The following NCEH1 variants were observed in gnomAD, a reference collection of about 807,000 sequenced individuals.
NCEH1 encodes 2-acetyl MAGE hydrolase.
Under a neutral mutation model 25.4 loss-of-function variants are expected in NCEH1, and 9 were observed. The ratio of observed to expected loss-of-function variants is 0.35; its 90% CI spans 0.21 to 0.62. NCEH1 has a LOEUF of 0.62. NCEH1 is among the 20% of genes least tolerant of loss of function. The pLI is 0.72. For synonymous variants in NCEH1, 200 were observed against 199.8 expected, an observed-to-expected ratio of 1.00 and a Z score of -0.01; for missense variants, 412 against 501.1, an observed-to-expected ratio of 0.82 and a Z score of 1.70.
chr3:172,652,800 A>G (rs1717464973), intron 1 of NCEH1, among the ~76,000 whole-genome samples: 1 of 151,840 alleles, frequency 6.6e-6, no homozygotes, highest in South Asian at 2.1e-4. Flanking sequence ...GGTTGAAGCG[A>G]TTCTCCTGCC....
In NCEH1 at chr3:172,633,193, C is replaced by G; in HGVS notation, c.*282G>C. 1 of 354,834 alleles carries G rather than the reference C, an allele frequency of 2.8e-6. No individual in the cohort carries two copies. The highest frequency in any genetic ancestry group is 5.1e-6 in the Non-Finnish European group (1 of 194,926). The allele number at this position is 354,834 out of a possible 1,614,324, so 22.0% of individuals were successfully genotyped here. On this transcript the variant is annotated 3_prime_UTR_variant, in exon 5 of 5. Coordinates refer to ENST00000475381, the MANE Select transcript of NCEH1 (RefSeq NM_020792.6). ...CCAAAGTTATTTCCAGTTCCTAGTC[C>G]TGCTTTCTGTAGCTGTAGGTATCAG...
At chr3:172,656,664 G>A (rs981250808) in intron 1 of NCEH1, among the ~76,000 whole-genome samples, 3 of 152,140 alleles carry the variant, frequency 2.0e-5, no homozygotes, top group Non-Finnish European at 4.4e-5. Flanking sequence ...TACTCGGGAG[G>A]CTGACGCAGG....
intron 1 of NCEH1, among the ~76,000 whole-genome samples, chr3:172,671,514 C>CAA (rs1343250782): frequency 8.8e-4 from 128 of 146,052 alleles, no homozygotes; most frequent in African/African-American, 2.7e-3. Context: ...CATACACACA[C>CAA]ACACACACAC....
intron 3 of NCEH1, among the ~76,000 whole-genome samples, chr3:172,644,691 C>T (rs1469600935): frequency 3.3e-5 from 5 of 152,180 alleles, no homozygotes; most frequent in Non-Finnish European, 7.3e-5. Flanking sequence ...AATTAAGGTG[C>T]TTCATTCATT....
chr3:172,656,761 G>A (rs1206831832), intron 1 of NCEH1, among the ~76,000 whole-genome samples: 5 of 151,514 alleles, frequency 3.3e-5, no homozygotes, highest in African/African-American at 7.3e-5. Flanking sequence ...GTGAGACTCC[G>A]GCCAAAAAAA....
intron 1 of NCEH1, among the ~76,000 whole-genome samples, 164 bp downstream of exon 1, chr3:172,710,683 A>C (rs1471775332): frequency 6.6e-6 from 1 of 152,244 alleles, no homozygotes; most frequent in Non-Finnish European, 1.5e-5. Context: ...AAGGAGGCGA[A>C]TGCGATACCC....
chr3:172,668,347 C>CT (rs1560193718), intron 1 of NCEH1, among the ~76,000 whole-genome samples: 9 of 87,378 alleles, frequency 1.0e-4, no homozygotes, highest in East Asian at 6.7e-4. Context: ...GAAAAGGAAG[C>CT]ATTTTTTTTT....
rs1560178436 is a variant in NCEH1, at chr3:172,638,275, C to CAAAAAAAAA, written c.438-2189_438-2188insTTTTTTTTT. On this transcript the variant is annotated intron_variant, in intron 3 of 4. Transcript: ENST00000475381. The stretch of plus-strand genomic sequence containing the variant: ...CCTGGGCGACAGAACGAGACTCTGT[C>CAAAAAAAAA]CAAAAAAAAAAAAAAAAAAAAAAAA... 6.1e-5 allele frequency among the ~76,000 whole-genome samples: 5 copies of CAAAAAAAAA among 81,900 alleles called. 1 individual carries two copies. Among genetic ancestry groups the CAAAAAAAAA allele is most frequent in the African/African-American group, 2.1e-4 (5 of 24,382 alleles). The allele number at this position is 81,900 out of a possible 152,430, so 53.7% of individuals were successfully genotyped here. A position where few individuals can be genotyped will look rare whatever the true frequency, so the allele number is the denominator to read the frequency against.
At chr3:172,657,126 C>G (rs142985923) in intron 1 of NCEH1, among the ~76,000 whole-genome samples, 2 of 152,020 alleles carry the variant, frequency 1.3e-5, no homozygotes, top group Non-Finnish European at 2.9e-5. Flanking sequence ...TTATTTCATT[C>G]GACTTCACAA....
At chr3:172,653,765 T>TTTTTTTG (rs1717555961) in intron 1 of NCEH1, among the ~76,000 whole-genome samples, 1 of 134,382 alleles carries the variant, frequency 7.4e-6, no homozygotes, top group African/African-American at 3.0e-5. Context: ...TTTTTGTTTT[T>TTTTTTTG]TTTTTTTTTT....
chr3:172,660,500 A>C (rs1353128601), intron 1 of NCEH1, among the ~76,000 whole-genome samples: 1 of 152,140 alleles, frequency 6.6e-6, no homozygotes. Context: ...CAGTAATGGG[A>C]TTGCTGGGTC....
At chr3:172,647,754 G>A in intron 2 of NCEH1, 132 bp downstream of exon 2, 3 of 1,250,012 alleles carry the variant, frequency 2.4e-6, no homozygotes, top group Non-Finnish European at 2.2e-6. Context: ...GGACAACAGG[G>A]GTAACTGGGA....
intron 3 of NCEH1, among the ~76,000 whole-genome samples, chr3:172,640,281 T>G (rs1716790751): frequency 6.6e-6 from 1 of 152,224 alleles, no homozygotes; most frequent in South Asian, 2.1e-4. Flanking sequence ...AGATTCATTT[T>G]GGGAACATAA....
intron 1 of NCEH1, among the ~76,000 whole-genome samples, chr3:172,664,184 G>C (rs545542039): frequency 5.3e-5 from 8 of 152,270 alleles, no homozygotes; most frequent in Non-Finnish European, 7.4e-5. Flanking sequence ...GCATTTGCTT[G>C]TCTGTAAAGG....
intron 1 of NCEH1, among the ~76,000 whole-genome samples, chr3:172,684,993 C>A (rs2042034): frequency 0.36 from 52,548 of 147,798 alleles, 9,511 homozygotes; most frequent in African/African-American, 0.44. Context: ...CTCCCATCCC[C>A]AAAAAAAAGA....
At chr3:172,689,581 G>A (rs1238606317) in intron 1 of NCEH1, among the ~76,000 whole-genome samples, 1 of 139,374 alleles carries the variant, frequency 7.2e-6, no homozygotes, top group Non-Finnish European at 1.6e-5. Flanking sequence ...GTGATGGCAC[G>A]AGCCTGTAAT....
At chr3:172,691,494 T>C (rs1465919271) in intron 1 of NCEH1, among the ~76,000 whole-genome samples, 1 of 152,308 alleles carries the variant, frequency 6.6e-6, no homozygotes. Flanking sequence ...TGTGAGTGTT[T>C]ACTTTGTGCC....
intron 1 of NCEH1, among the ~76,000 whole-genome samples, chr3:172,709,783 T>G (rs949482507): frequency 1.3e-5 from 2 of 152,184 alleles, no homozygotes; most frequent in African/African-American, 4.8e-5. Flanking sequence ...TTGAAATGAT[T>G]TTTTTTCTCT....
intron 1 of NCEH1, among the ~76,000 whole-genome samples, chr3:172,678,267 C>T (rs1712128619): frequency 6.6e-6 from 1 of 152,154 alleles, no homozygotes; most frequent in African/African-American, 2.4e-5. Flanking sequence ...CAAGCCTTTA[C>T]AATAAGGACA....
Sources: allele counts gnomAD v4.1 joint callset (sites outside exome capture counted in the v4.1 genomes callset), GRCh38; gene constraint gnomAD v4.1.1; transcripts MANE v1.5; gene names NCBI Gene and HGNC (gene_info 2026-07-23, HGNC 2026-07-21).